CDH13: variants seen among roughly 807,000 people sequenced by gnomAD.
The protein encoded by CDH13 is cadherin-13.
In CDH13, 24 loss-of-function variants were observed where a neutral mutation model predicts 63.8. The observed-to-expected ratio is 0.38, with a 90% CI of 0.27 to 0.53. The LOEUF is 0.53. CDH13 is among the 20% of genes least tolerant of loss of function. The pLI is 0.85. For synonymous variants in CDH13, 503 were observed against 355.3 expected, an observed-to-expected ratio of 1.42 and a Z score of -4.67; for missense variants, 1,049 against 903.1, an observed-to-expected ratio of 1.16 and a Z score of -2.07.
chr16:83,702,434 C>T (rs1463011795), intron 10 of CDH13, among the ~76,000 whole-genome samples: 1 of 152,130 alleles, frequency 6.6e-6, no homozygotes, highest in Non-Finnish European at 1.5e-5. Context: ...GCTGCCTCTT[C>T]AAGGTGTAGC....
chr16:83,535,067 T>C (rs190344503), intron 7 of CDH13, among the ~76,000 whole-genome samples: 200 of 152,342 alleles, frequency 1.3e-3, no homozygotes, highest in African/African-American at 4.4e-3. Context: ...TGGGAATTAT[T>C]AGGATCAGGA....
At chr16:83,080,727 G>A (rs779117453) in intron 3 of CDH13, among the ~76,000 whole-genome samples, 21 of 151,900 alleles carry the variant, frequency 1.4e-4, no homozygotes, top group Non-Finnish European at 2.1e-4. Flanking sequence ...ACATAGAGGC[G>A]GCAATGGGGG....
At chr16:83,297,532 C>T (rs1032262622) in intron 5 of CDH13, among the ~76,000 whole-genome samples, 5 of 152,024 alleles carry the variant, frequency 3.3e-5, no homozygotes, top group African/African-American at 7.2e-5. Flanking sequence ...CCAGAGCACT[C>T]TTGTTTCTCA....
At chr16:83,172,422 C>T (rs59267887) in intron 4 of CDH13, among the ~76,000 whole-genome samples, 4 of 151,834 alleles carry the variant, frequency 2.6e-5, no homozygotes, top group Non-Finnish European at 4.4e-5. Context: ...ACCCCAGAGG[C>T]GGAGGTTGCA....
rs563605473 is a variant in CDH13, at chr16:83,223,666, C to G, written c.636+6169C>G. 3.9e-5 allele frequency among the ~76,000 whole-genome samples: 6 copies of G among 152,326 alleles called. No individual in the cohort carries two copies. In the East Asian group the frequency reaches 1.2e-3, roughly 29 times the overall value. ...CTCCCGCCACTCACTTCCATCCAGT[C>G]TCACGCTGGTGCATCTGCAGGAAGA... is the stretch of plus-strand genomic sequence containing the variant. On this transcript the variant is annotated intron_variant, in intron 5 of 13. Coordinates refer to ENST00000567109, the MANE Select transcript of CDH13 (RefSeq NM_001257.5).
chr16:83,079,574 C>A (rs1318992824), intron 3 of CDH13, among the ~76,000 whole-genome samples: 1 of 152,208 alleles, frequency 6.6e-6, no homozygotes, highest in African/African-American at 2.4e-5. Context: ...ACCTAGCACT[C>A]TCTGGCATGT....
intron 10 of CDH13, among the ~76,000 whole-genome samples, chr16:83,716,003 C>A (rs767622629): frequency 1.3e-5 from 2 of 152,168 alleles, no homozygotes; most frequent in Non-Finnish European, 2.9e-5. Context: ...ATGCAATTTA[C>A]CTTTAATGTC....
intron 2 of CDH13, among the ~76,000 whole-genome samples, chr16:82,987,224 G>A (rs10492871): frequency 0.26 from 39,852 of 152,068 alleles, 5,328 homozygotes; most frequent in Middle Eastern, 0.31. Flanking sequence ...GGTTCTTCCA[G>A]TTACTGCTGT....
chr16:82,775,084 A>G (rs1201518272), intron 1 of CDH13, among the ~76,000 whole-genome samples: 1 of 152,126 alleles, frequency 6.6e-6, no homozygotes, highest in African/African-American at 2.4e-5. Flanking sequence ...TGAACAGGAG[A>G]TGTCTCTACC....
At chr16:82,711,126 C>G (rs1261243917) in intron 1 of CDH13, among the ~76,000 whole-genome samples, 2 of 151,958 alleles carry the variant, frequency 1.3e-5, no homozygotes, top group African/African-American at 2.4e-5. Context: ...CTCAGGGCTT[C>G]TAAATAGGAA....
chr16:82,891,860 C>A (rs1219772937), intron 2 of CDH13, among the ~76,000 whole-genome samples: 1 of 152,158 alleles, frequency 6.6e-6, no homozygotes, highest in Non-Finnish European at 1.5e-5. Flanking sequence ...TGTGAATGCT[C>A]CTTAAAGCTT....
chr16:83,132,600 C>T (rs7195049), intron 4 of CDH13, among the ~76,000 whole-genome samples: 14,101 of 151,824 alleles, frequency 0.093, 787 homozygotes, highest in Admixed American at 0.14. Flanking sequence ...GATGCCACCA[C>T]GCCCAGCTAA....
chr16:82,716,294 G>C (rs536786069), intron 1 of CDH13, among the ~76,000 whole-genome samples: 1 of 152,064 alleles, frequency 6.6e-6, no homozygotes, highest in African/African-American at 2.4e-5. Context: ...AGCCCATCCC[G>C]AGCCTGCTTT....
chr16:82,821,880 C>T (rs948358173), intron 1 of CDH13, among the ~76,000 whole-genome samples: 4 of 152,312 alleles, frequency 2.6e-5, no homozygotes, highest in Middle Eastern at 3.4e-3. Flanking sequence ...TGTATGGTCC[C>T]CTTGGACCAT....
intron 5 of CDH13, among the ~76,000 whole-genome samples, chr16:83,325,974 A>G (rs1350503793): frequency 2.0e-5 from 3 of 152,282 alleles, no homozygotes; most frequent in African/African-American, 7.2e-5. Context: ...CTAAACTGAA[A>G]GAGAAAAAAG....
intron 3 of CDH13, among the ~76,000 whole-genome samples, chr16:83,122,184 C>A (rs996677693): frequency 5.3e-5 from 8 of 152,296 alleles, no homozygotes; most frequent in Admixed American, 3.9e-4. Flanking sequence ...ATCTTTCAGT[C>A]CTCTGATCAG....
At chr16:83,286,838 A>G (rs1259289598) in intron 5 of CDH13, among the ~76,000 whole-genome samples, 1 of 151,206 alleles carries the variant, frequency 6.6e-6, no homozygotes, top group Non-Finnish European at 1.5e-5. Context: ...CTATCTATCT[A>G]TCTAGATATA....
chr16:82,789,147 T>C (rs912137239), intron 1 of CDH13, among the ~76,000 whole-genome samples: 7 of 152,174 alleles, frequency 4.6e-5, no homozygotes, highest in African/African-American at 1.7e-4. Context: ...CCCCACCCCA[T>C]CCTACCCTTA....
At chr16:83,037,180 GC>G (rs1916937274) in intron 3 of CDH13, among the ~76,000 whole-genome samples, 2 of 152,146 alleles carry the variant, frequency 1.3e-5, no homozygotes, top group Non-Finnish European at 2.9e-5. Flanking sequence ...ATTTCATGGA[GC>G]TTTCTTACGG....
Sources: gnomAD v4.1 joint callset for allele counts (sites outside exome capture counted in the v4.1 genomes callset) on GRCh38, gnomAD v4.1.1 for gene constraint, MANE v1.5 for transcripts, NCBI Gene and HGNC (gene_info 2026-07-23, HGNC 2026-07-21) for gene names.